The following MDGA2 variants were observed in gnomAD, a reference collection of about 807,000 sequenced individuals.
The protein encoded by MDGA2 is MAM domain-containing glycosylphosphatidylinositol anchor protein 2.
In MDGA2, 40 loss-of-function variants were observed where a neutral mutation model predicts 117.8. The observed-to-expected ratio is 0.34, with a 90% CI of 0.26 to 0.44. The LOEUF is 0.44. Among genes scored for constraint, MDGA2 ranks in the 20% least tolerant of loss-of-function variants. MDGA2 has a pLI of 1.00. For synonymous variants in MDGA2, 452 were observed against 439.0 expected, an observed-to-expected ratio of 1.03 and a Z score of -0.37; for missense variants, 1,123 against 1,250.6, an observed-to-expected ratio of 0.90 and a Z score of 1.54.
chr14:47,648,888 A>G (rs1458570871), intron 1 of MDGA2, among the ~76,000 whole-genome samples: 2 of 152,140 alleles, frequency 1.3e-5, no homozygotes, highest in South Asian at 4.1e-4. Context: ...TCTTTAGAAT[A>G]CAAACAGAAA....
At chr14:47,086,538 A>G (rs1313809387) in intron 6 of MDGA2, among the ~76,000 whole-genome samples, 2 of 152,144 alleles carry the variant, frequency 1.3e-5, no homozygotes. Context: ...ATTATTTTTA[A>G]ATCATAGAAT....
At chr14:47,213,950 T>C (rs971817187) in intron 3 of MDGA2, among the ~76,000 whole-genome samples, 2 of 152,034 alleles carry the variant, frequency 1.3e-5, no homozygotes, top group Admixed American at 6.6e-5. Context: ...GAGCACAGAA[T>C]GGAAAGAGTA....
intron 3 of MDGA2, among the ~76,000 whole-genome samples, chr14:47,188,036 A>G (rs959022156): frequency 3.5e-4 from 53 of 152,110 alleles, no homozygotes; most frequent in African/African-American, 1.2e-3. Flanking sequence ...AGGAAAAGAT[A>G]TTTTCCCATT....
At chr14:46,936,961 A>G (rs1327439482) in intron 9 of MDGA2, among the ~76,000 whole-genome samples, 1 of 152,164 alleles carries the variant, frequency 6.6e-6, no homozygotes, top group Non-Finnish European at 1.5e-5. Context: ...AGGCAAGAGA[A>G]AAAAGTAAAA....
At position 47,061,367 on chromosome 14, in the gene MDGA2, T is replaced by G; in HGVS notation, c.1407A>C (p.Thr469=). ...ATTTTAAATCAATGATGTCCAAGTT[T>G]GTTGTTCCCGGAGAGACATCAGGAT... ...QTDPDVSPGT[T]NLDIIDLKFT... is the part of the protein sequence containing the mutation. Residue 469 remains threonine (T), a synonymous_variant, in exon 7 of 17, where the codon ACA becomes ACC. Coordinates refer to ENST00000399232, the MANE Select transcript of MDGA2 (RefSeq NM_001113498.3). The G allele has an allele frequency of 6.2e-7, 1 of 1,613,696 alleles. No homozygotes were observed. Among genetic ancestry groups the G allele is most frequent in the Non-Finnish European group, 8.5e-7 (1 of 1,179,698 alleles).
chr14:47,260,021 C>A (rs534223965), intron 2 of MDGA2, among the ~76,000 whole-genome samples: 1 of 151,818 alleles, frequency 6.6e-6, no homozygotes, highest in African/African-American at 2.4e-5. Flanking sequence ...GGAGCCTAGA[C>A]AAAAAATAAC....
chr14:46,909,426 G>C (rs1173036041), intron 10 of MDGA2, among the ~76,000 whole-genome samples: 1 of 152,076 alleles, frequency 6.6e-6, no homozygotes, highest in Non-Finnish European at 1.5e-5. Context: ...GGGGCTGCTT[G>C]GGTGAAGAAA....
chr14:47,213,840 G>A (rs955530207), intron 3 of MDGA2, among the ~76,000 whole-genome samples: 10 of 152,094 alleles, frequency 6.6e-5, no homozygotes, highest in African/African-American at 2.4e-4. Flanking sequence ...AGGTTTAATT[G>A]ACTCACAGTT....
intron 1 of MDGA2, among the ~76,000 whole-genome samples, chr14:47,457,874 C>T (rs950696599): frequency 6.7e-6 from 1 of 150,038 alleles, no homozygotes; most frequent in Non-Finnish European, 1.5e-5. Flanking sequence ...ATGACAAGAG[C>T]ACATATTTTG....
chr14:47,335,955 C>T (rs952787799), intron 1 of MDGA2, among the ~76,000 whole-genome samples: 16 of 151,136 alleles, frequency 1.1e-4, no homozygotes, highest in African/African-American at 3.6e-4. Flanking sequence ...GATGTAGGAT[C>T]CCTTGTTCAA....
intron 1 of MDGA2, among the ~76,000 whole-genome samples, chr14:47,649,290 A>G (rs1177655325): frequency 6.6e-6 from 1 of 152,144 alleles, no homozygotes; most frequent in African/African-American, 2.4e-5. Context: ...CTATAGACAA[A>G]TTTAAGCTAA....
chr14:47,648,238 C>A (rs1356289830), intron 1 of MDGA2, among the ~76,000 whole-genome samples: 1 of 152,060 alleles, frequency 6.6e-6, no homozygotes, highest in Admixed American at 6.6e-5. Flanking sequence ...GTTACATAAC[C>A]TTTCACTATT....
At chr14:47,146,563 TATTG>T (rs1200075460) in intron 3 of MDGA2, among the ~76,000 whole-genome samples, 4 of 152,326 alleles carry the variant, frequency 2.6e-5, no homozygotes, top group African/African-American at 4.8e-5. Context: ...ACATCATATA[TATTG>T]ATTAATTGAA....
intron 2 of MDGA2, among the ~76,000 whole-genome samples, chr14:47,288,136 T>C (rs955501778): frequency 6.6e-6 from 1 of 152,188 alleles, no homozygotes; most frequent in African/African-American, 2.4e-5. Context: ...CAAGGCACTA[T>C]CACACAATTC....
intron 1 of MDGA2, among the ~76,000 whole-genome samples, chr14:47,651,265 C>G: frequency 6.8e-6 from 1 of 147,494 alleles, no homozygotes; most frequent in Non-Finnish European, 1.5e-5. Flanking sequence ...CCCATAAATA[C>G]CTATACACAC....
rs71112467 is a variant in MDGA2 at position 46,864,545 on chromosome 14, G to GTTTTTTTTTTTTTTTTTTTTTTTTTT, written c.2752+8862_2752+8887dup. 9.7e-5 allele frequency among the ~76,000 whole-genome samples: 5 copies of GTTTTTTTTTTTTTTTTTTTTTTTTTT among 51,472 alleles called. 2 individuals carry two copies. The highest frequency in any genetic ancestry group is 2.0e-4 in the Non-Finnish European group (5 of 25,448). 33.8% of individuals were successfully genotyped at this position (51,472 alleles called of 152,430 possible). Reference sequence around the variant, plus strand: ...TTTGTTGCGCTTTGCAGATATTGCTGTTTTTTTTTTTTTTTTTTTTTTTTT... The same window carrying GTTTTTTTTTTTTTTTTTTTTTTTTTT: ...TTTGTTGCGCTTTGCAGATATTGCTGTTTTTTTTTTTTTTTTTTTTTTTTTTTTTTTTTTTTTTTTTTTTTTTTTTT... On this transcript the variant is annotated intron_variant, in intron 14 of 16. Transcript: ENST00000399232.
At chr14:47,112,577 C>T (rs1881101058) in intron 5 of MDGA2, among the ~76,000 whole-genome samples, 1 of 152,066 alleles carries the variant, frequency 6.6e-6, no homozygotes, top group African/African-American at 2.4e-5. Flanking sequence ...AACATCGTTC[C>T]TTTCTCTGGC....
chr14:47,212,092 T>C (rs1358054802), intron 3 of MDGA2, among the ~76,000 whole-genome samples: 2 of 152,152 alleles, frequency 1.3e-5, no homozygotes, highest in Admixed American at 6.5e-5. Context: ...CTAAACAACA[T>C]GTAAGAAAAT....
chr14:47,126,629 C>G (rs566767009), intron 5 of MDGA2, among the ~76,000 whole-genome samples: 1 of 152,184 alleles, frequency 6.6e-6, no homozygotes, highest in Admixed American at 6.6e-5. Context: ...CACTGCCTTT[C>G]GAAGCAGTTC....
Sources: gnomAD v4.1 joint callset for allele counts (sites outside exome capture counted in the v4.1 genomes callset) on GRCh38, gnomAD v4.1.1 for gene constraint, MANE v1.5 for transcripts, NCBI Gene and HGNC (gene_info 2026-07-23, HGNC 2026-07-21) for gene names.